RLIM: variants seen among roughly 807,000 people sequenced by gnomAD.
RLIM encodes the protein ring finger protein, LIM domain interacting, also known as E3 ubiquitin-protein ligase RLIM.
RLIM carries 2 observed loss-of-function variants against 34.0 expected under a neutral mutation model. The ratio of observed to expected loss-of-function variants is 0.06; its 90% confidence interval spans 0.02 to 0.19. The LOEUF is 0.19. RLIM is among the 10% of genes least tolerant of loss of function. The pLI is 1.00. For synonymous variants in RLIM, 169 were observed against 164.0 expected (o/e 1.03, Z -0.23); for missense variants, 286 against 479.7 (o/e 0.60, Z 3.77).
At chrX:74,613,230 G>C (rs2079719449) in intron 1 of RLIM, among the ~76,000 whole-genome samples, 1 of 111,020 alleles carries the variant, frequency 9.0e-6, no homozygotes, top group Non-Finnish European at 1.9e-5. Context: ...GAAATGATTA[G>C]TAGCAGTAGG....
intron 1 of RLIM, among the ~76,000 whole-genome samples, chrX:74,608,220 G>A (rs2079691121): frequency 9.0e-6 from 1 of 111,150 alleles, no homozygotes; most frequent in Admixed American, 9.6e-5. Flanking sequence ...CCATCTGCAA[G>A]GTACTTTCCA....
chrX:74,598,546 A>T (rs2079648594), intron 1 of RLIM, among the ~76,000 whole-genome samples: 1 of 111,001 alleles, frequency 9.0e-6, no homozygotes, highest in Non-Finnish European at 1.9e-5. Flanking sequence ...TGGGAGGCTG[A>T]GGTGGGCGGA....
chrX:74,598,011 A>G (rs2079646668), intron 1 of RLIM, among the ~76,000 whole-genome samples: 1 of 112,278 alleles, frequency 8.9e-6, no homozygotes, highest in Non-Finnish European at 1.9e-5. Flanking sequence ...CTAAAACAAC[A>G]AAGCAAAAAA....
intron 1 of RLIM, among the ~76,000 whole-genome samples, chrX:74,602,747 T>C (rs2079666669): frequency 9.1e-6 from 1 of 110,293 alleles, no homozygotes; most frequent in Non-Finnish European, 1.9e-5. Flanking sequence ...GCAGACTACA[T>C]GTAGAGTAAG....
intron 1 of RLIM, among the ~76,000 whole-genome samples, chrX:74,596,800 G>A (rs1034458813): frequency 2.7e-5 from 3 of 111,022 alleles, no homozygotes; most frequent in Non-Finnish European, 5.6e-5. Flanking sequence ...AAGTTGCAGT[G>A]ATGTAGCTAT....
rs1192741585 is a variant in RLIM at position 74,591,954 on chromosome X, C to G, written c.1361G>C (p.Ser454Thr). 2.5e-6 allele frequency: 3 copies of G among 1,211,754 alleles called. No homozygotes were observed. The highest frequency in any genetic ancestry group is 1.7e-5 in the African/African-American group (1 of 57,888). Residue 454 changes from serine to threonine, a missense_variant, in exon 4 of 4, where the codon AGT becomes ACT. Ser to Thr is a moderately conservative substitution (Grantham distance 58, BLOSUM62 1). This residue lies in a region of RLIM where 69 missense variants were observed against 83.5 expected (regional missense o/e 0.83). Transcript: ENST00000332687. Reference sequence around the variant, plus strand: ...ACTGGAACTCGAACTGGAACCAGAACTACTACCACCACCAGAACCTCCTCT... The same window carrying G: ...ACTGGAACTCGAACTGGAACCAGAAGTACTACCACCACCAGAACCTCCTCT... Reference protein sequence around the residue: ...SGRGGSGGGSSSGSSSSSSSS... With the variant: ...SGRGGSGGGSTSGSSSSSSSS...
At position 74,585,963 on chromosome X, in the gene RLIM, C is replaced by T. The variant is rs181534689; in HGVS notation, c.*5477G>A. ...AAAGGCAGCCTTTGTTACTGTTCCC[C>T]CTCCAAACCCCTTCAGGTTCTTATA... is the stretch of plus-strand genomic sequence containing the variant. On this transcript the variant is annotated 3_prime_UTR_variant, in exon 4 of 4. Transcript: ENST00000332687. The T allele has an allele frequency of 8.9e-6, 1 of 112,002 alleles. No homozygotes were observed. The highest frequency in any genetic ancestry group is 1.9e-5 in the Non-Finnish European group (1 of 53,292). 9.2% of individuals were successfully genotyped at this position (112,002 alleles called of 1,213,427 possible). A position where few individuals can be genotyped will look rare whatever the true frequency, so the allele number is the denominator to read the frequency against.
chrX:74,605,257 G>A (rs1028316614), intron 1 of RLIM, among the ~76,000 whole-genome samples: 7 of 111,938 alleles, frequency 6.3e-5, no homozygotes, highest in African/African-American at 2.0e-4. Context: ...CTATCTAAGC[G>A]GCATAAAAGA....
rs771628103 is a variant in RLIM, at chrX:74,613,976, G to A, written c.-24+446C>T. Among the ~76,000 whole-genome samples the A allele has an allele frequency of 2.7e-5, 3 of 110,290 alleles. No homozygotes were observed. The East Asian group carries it at 8.6e-4, about 32-fold the overall frequency. Reference sequence around the variant, plus strand: ...AAGAGTTGCCAGCATCTCACTTGGGGCAGCCTGATTTTTTACTTCCCTTTT... The same window carrying A: ...AAGAGTTGCCAGCATCTCACTTGGGACAGCCTGATTTTTTACTTCCCTTTT... On this transcript the variant is annotated intron_variant, in intron 1 of 3. Transcript: ENST00000332687.
intron 1 of RLIM, among the ~76,000 whole-genome samples, chrX:74,613,654 T>TTA (rs2079722114): frequency 9.4e-6 from 1 of 106,241 alleles, no homozygotes; most frequent in African/African-American, 3.4e-5. Flanking sequence ...TTTTTTTTTT[T>TTA]AATGGGGGAG....
intron 1 of RLIM, among the ~76,000 whole-genome samples, chrX:74,610,971 A>G (rs779613371): frequency 8.9e-6 from 1 of 112,137 alleles, no homozygotes; most frequent in East Asian, 2.8e-4. Flanking sequence ...ATTATCTGGG[A>G]AACTTTCATG....
rs2079619383 is a variant in RLIM, at chrX:74,592,237, G to A, written c.1078C>T (p.Arg360Ter). 8.3e-7 allele frequency: 1 copy of A among 1,211,596 alleles called. No individual in the cohort carries two copies. Among genetic ancestry groups the A allele is most frequent in the Non-Finnish European group, 1.1e-6 (1 of 895,473 alleles). Residue 360 changes from arginine to a stop codon, truncating the protein, a stop_gained, in exon 4 of 4, where the codon CGA becomes TGA. Transcript: ENST00000332687. LOFTEE classifies it high-confidence loss of function. ...PNNTVTYESE[R>*]GGFRRTFSRS... is the part of the protein sequence containing the mutation. The stretch of plus-strand genomic sequence containing the variant: ...GAAAATGTACGCCTAAAACCTCCTC[G>A]TTCACTTTCATAGGTGACAGTGTTG...
intron 1 of RLIM, among the ~76,000 whole-genome samples, chrX:74,601,433 C>T (rs759653178): frequency 8.9e-6 from 1 of 111,923 alleles, no homozygotes; most frequent in African/African-American, 3.2e-5. Flanking sequence ...TCTGCAAATA[C>T]ATTATCAGAT....
At position 74,596,010 on chromosome X, in the gene RLIM, GAA is replaced by G. The variant is rs753306232; in HGVS notation, c.-23-12_-23-11del. 1.1e-3 allele frequency: 1,120 copies of G among 1,040,001 alleles called. 1 individual carries two copies. Among genetic ancestry groups the G allele is most frequent in the South Asian group, 3.9e-3 (153 of 39,600 alleles). The allele number at this position is 1,040,001 out of a possible 1,213,427, so 85.7% of individuals were successfully genotyped here. A position where few individuals can be genotyped will look rare whatever the true frequency, so the allele number is the denominator to read the frequency against. Reference sequence around the variant, plus strand: ...AACAAGTGGAAAATACCTGAAAAGAGAAAAGAGACTAATCTTGAAAATAAAGG... The same window carrying G: ...AACAAGTGGAAAATACCTGAAAAGAGAAGAGACTAATCTTGAAAATAAAGG... On this transcript the variant is annotated splice_polypyrimidine_tract_variant and intron_variant, in intron 1 of 3. Coordinates refer to ENST00000332687, the MANE Select transcript of RLIM (RefSeq NM_016120.4).
chrX:74,612,881 T>A (rs954349384), intron 1 of RLIM, among the ~76,000 whole-genome samples: 7 of 111,826 alleles, frequency 6.3e-5, no homozygotes, highest in Non-Finnish European at 1.3e-4. Context: ...AAATAAGCCT[T>A]TCCTTATCAG....
chrX:74,606,130 T>C (rs1368680876), intron 1 of RLIM, among the ~76,000 whole-genome samples: 1 of 112,631 alleles, frequency 8.9e-6, no homozygotes. Context: ...ACACCTTTTG[T>C]AAGCAGCACA....
chrX:74,592,201 G>T lies in RLIM; in HGVS notation c.1114C>A (p.Arg372=), dbSNP rs61754467. The change falls in exon 4 of 4, where the codon CGG becomes AGG. Residue 372 remains arginine (R), a synonymous_variant. Transcript: ENST00000332687. The part of the protein sequence containing the change: ...GFRRTFSRSE[R]AGVRTYVSTI... ...CTGACATAGGTTCTCACACCTGCCCGCTCAGAACGTGAAAATGTACGCCTA... is the reference window on the plus strand; with the variant it reads ...CTGACATAGGTTCTCACACCTGCCCTCTCAGAACGTGAAAATGTACGCCTA... The T allele has an allele frequency of 4.1e-6, 5 of 1,209,898 alleles. No individual in the cohort carries two copies.
In RLIM at chrX:74,591,458, G is replaced by A. The variant is rs1419513101; in HGVS notation, c.1857C>T (p.Asn619=). 8.3e-7 allele frequency: 1 copy of A among 1,206,835 alleles called. No homozygotes were observed. Among genetic ancestry groups the A allele is most frequent in the Non-Finnish European group, 1.1e-6 (1 of 892,260 alleles). ...ATCTTAATTACACAACACTTTCTCTGTTACCAGAAGCTAAGACTGCTCTGC... is the reference window on the plus strand; with the variant it reads ...ATCTTAATTACACAACACTTTCTCTATTACCAGAAGCTAAGACTGCTCTGC... The part of the protein sequence containing the change: ...ICRRAVLASG[N]RESVV The change falls in exon 4 of 4, where the codon AAC becomes AAT. Residue 619 remains asparagine (N), a synonymous_variant. Coordinates refer to ENST00000332687, the MANE Select transcript of RLIM (RefSeq NM_016120.4).
intron 1 of RLIM, among the ~76,000 whole-genome samples, chrX:74,600,346 A>G (rs909201850): frequency 2.7e-5 from 3 of 111,373 alleles, no homozygotes; most frequent in African/African-American, 9.8e-5. Context: ...GTTTTCCCAC[A>G]TGAATCTCAA....
Sources: gnomAD v4.1 joint callset for allele counts (sites outside exome capture counted in the v4.1 genomes callset) on GRCh38, gnomAD v4.1.1 for gene constraint, gnomAD v4.1.1 regional missense constraint, MANE v1.5 for transcripts, NCBI Gene and HGNC (gene_info 2026-07-23, HGNC 2026-07-21) for gene names.